ZMYND11: variants seen among roughly 807,000 people sequenced by gnomAD.
The protein encoded by ZMYND11 is zinc finger MYND domain-containing protein 11.
In ZMYND11, 9 loss-of-function variants were observed where a neutral mutation model predicts 84.9. The observed-to-expected ratio is 0.11, with a 90% CI of 0.06 to 0.18. ZMYND11 has a LOEUF of 0.18. Among genes scored for constraint, ZMYND11 ranks in the 10% least tolerant of loss-of-function variants. ZMYND11 has a pLI of 1.00. For missense variants in ZMYND11, 409 were observed against 761.0 expected (o/e 0.54, Z 5.44); for synonymous variants, 250 against 244.1 (o/e 1.02, Z -0.23).
chr10:240,808 A>G, intron 8 of ZMYND11, 85 bp from the exon 9 acceptor site: 2 of 1,022,858 alleles, frequency 2.0e-6, no homozygotes, highest in African/African-American at 1.6e-5. Context: ...ATATACGTGA[A>G]TGTTAATTTA....
At chr10:168,465 A>G (rs1347807309) in intron 1 of ZMYND11, among the ~76,000 whole-genome samples, 3 of 152,096 alleles carry the variant, frequency 2.0e-5, no homozygotes, top group Non-Finnish European at 4.4e-5. Context: ...AATTTAACAT[A>G]TGATTAGGAA....
At chr10:154,443 C>A (rs890832326) in intron 1 of ZMYND11, among the ~76,000 whole-genome samples, 1 of 152,098 alleles carries the variant, frequency 6.6e-6, no homozygotes, top group African/African-American at 2.4e-5. Context: ...TCATAGATGT[C>A]GAGACGGATG....
intron 8 of ZMYND11, among the ~76,000 whole-genome samples, chr10:240,551 G>A (rs941650022): frequency 2.5e-4 from 38 of 152,126 alleles, no homozygotes; most frequent in African/African-American, 8.2e-4. Flanking sequence ...ACATACATGA[G>A]GCAAAGGTAA....
chr10:226,404 C>T (rs1225723391), intron 4 of ZMYND11, among the ~76,000 whole-genome samples: 1 of 148,874 alleles, frequency 6.7e-6, no homozygotes, highest in East Asian at 2.0e-4. Flanking sequence ...AAATAATTGG[C>T]ACTTTTTAGG....
chr10:167,164 G>C (rs1280913734), intron 1 of ZMYND11, among the ~76,000 whole-genome samples: 1 of 152,058 alleles, frequency 6.6e-6, no homozygotes, highest in Non-Finnish European at 1.5e-5. Flanking sequence ...AAATGGTGAT[G>C]GTTGCAAAAC....
intron 10 of ZMYND11, 87 bp from the exon 11 acceptor site, chr10:246,679 G>A: frequency 1.5e-6 from 2 of 1,295,838 alleles, no homozygotes; most frequent in South Asian, 2.6e-5. Context: ...CGCACTTTAT[G>A]GCAGGCAGGG....
chr10:212,572 A>T (rs918507551), intron 3 of ZMYND11, among the ~76,000 whole-genome samples: 2 of 151,830 alleles, frequency 1.3e-5, no homozygotes, highest in African/African-American at 4.8e-5. Context: ...TTATTTAGTT[A>T]TGCAACCTTG....
chr10:200,782 A>G (rs906008572), intron 2 of ZMYND11, among the ~76,000 whole-genome samples: 1 of 152,238 alleles, frequency 6.6e-6, no homozygotes, highest in African/African-American at 2.4e-5. Flanking sequence ...TATTTTAAAT[A>G]TCTTGCTGAT....
At chr10:158,825 A>G (rs1842287560) in intron 1 of ZMYND11, among the ~76,000 whole-genome samples, 1 of 151,946 alleles carries the variant, frequency 6.6e-6, no homozygotes, top group Non-Finnish European at 1.5e-5. Flanking sequence ...GCATCTTTTT[A>G]TGTACTTACT....
Position 135,683 on chromosome 10 carries a change from A to G in ZMYND11, c.-20+124A>G, listed in dbSNP as rs1835806404. ...GCGGCGGCGGCACCAGTGGGTGCTG[A>G]CGGTCGCTCGCCCGCTCGCGAAGAG... On this transcript the variant is annotated intron_variant, in intron 1 of 14. Transcript: ENST00000381604. The surrounding 1 kb of genome is among the most constrained non-coding windows in gnomAD (Gnocchi z 5.6). 1 of 146,912 alleles carries G rather than the reference A, an allele frequency of 6.8e-6. No homozygotes were observed. The highest frequency in any genetic ancestry group is 1.8e-4 in the South Asian group (1 of 5,540). The allele number at this position is 146,912 out of a possible 1,614,324, so 9.1% of individuals were successfully genotyped here.
At chr10:247,510 G>A (rs748628872) in intron 12 of ZMYND11, 44 bp downstream of exon 12, 111 of 1,580,530 alleles carry the variant, frequency 7.0e-5, no homozygotes, top group Non-Finnish European at 9.2e-5. Context: ...AATGAAACAG[G>A]AAATATTTTC....
intron 1 of ZMYND11, among the ~76,000 whole-genome samples, chr10:167,710 C>CT (rs1296315755): frequency 6.6e-6 from 1 of 152,028 alleles, no homozygotes; most frequent in Non-Finnish European, 1.5e-5. Context: ...CTTGGGGGCT[C>CT]TTGGGGCAGT....
intron 7 of ZMYND11, 121 bp from the exon 8 acceptor site, chr10:239,935 A>G: frequency 1.4e-6 from 1 of 736,664 alleles, no homozygotes; most frequent in Non-Finnish European, 2.2e-6. Flanking sequence ...GTTATTTTAA[A>G]TGGACATTTT....
intron 2 of ZMYND11, among the ~76,000 whole-genome samples, chr10:206,743 G>A (rs1023950616): frequency 4.6e-5 from 7 of 152,102 alleles, no homozygotes; most frequent in South Asian, 2.1e-4. Flanking sequence ...CTTCTCATAC[G>A]TACTACGCCT....
chr10:203,485 A>G (rs1943600432), intron 2 of ZMYND11, among the ~76,000 whole-genome samples: 1 of 152,210 alleles, frequency 6.6e-6, no homozygotes, highest in Admixed American at 6.5e-5. Flanking sequence ...CAATTTCATC[A>G]GTGGATATTC....
At chr10:207,163 T>C (rs1316120848) in intron 2 of ZMYND11, among the ~76,000 whole-genome samples, 1 of 152,234 alleles carries the variant, frequency 6.6e-6, no homozygotes, top group East Asian at 1.9e-4. Context: ...ACAAAGGACA[T>C]GTACTCATCA....
At chr10:249,502 ATTTATACATTAGAT>A (rs1291516173) in intron 14 of ZMYND11, 1 of 984,744 alleles carries the variant, frequency 1.0e-6, no homozygotes, top group African/African-American at 1.7e-5. Flanking sequence ...TGCACTTAAC[ATTTATACATTAGAT>A]TTTGTTAAAG....
chr10:201,596 A>ACACACACG (rs1242013801), intron 2 of ZMYND11, among the ~76,000 whole-genome samples: 4 of 149,866 alleles, frequency 2.7e-5, no homozygotes, highest in African/African-American at 7.3e-5. Flanking sequence ...ACACACACAC[A>ACACACACG]CACACACACA....
intron 1 of ZMYND11, among the ~76,000 whole-genome samples, chr10:165,571 A>G (rs1446004399): frequency 6.6e-6 from 1 of 152,104 alleles, no homozygotes; most frequent in African/African-American, 2.4e-5. Flanking sequence ...CTGCAAACTT[A>G]GTCTCCATCC....
Sources: allele counts gnomAD v4.1 joint callset (sites outside exome capture counted in the v4.1 genomes callset), GRCh38; gene constraint gnomAD v4.1.1; non-coding constraint Gnocchi (gnomAD v3.1); transcripts MANE v1.5; gene names NCBI Gene and HGNC (gene_info 2026-07-23, HGNC 2026-07-21).